The following BRCA2 variants were observed in gnomAD, a reference collection of about 807,000 sequenced individuals.
The protein encoded by BRCA2 is breast cancer type 2 susceptibility protein.
BRCA2 carries 203 observed loss-of-function variants against 276.7 expected under a neutral mutation model. The observed-to-expected ratio is 0.73, with a 90% CI of 0.65 to 0.82. The LOEUF is 0.82. Ranked by LOEUF, BRCA2 falls within the 40% of genes least tolerant of loss-of-function variation. BRCA2 has a pLI of 0.00. For synonymous variants in BRCA2, 1,289 were observed against 1,338.4 expected (o/e 0.96, Z 0.81); for missense variants, 3,920 against 3,915.0 (o/e 1.00, Z -0.03).
intron 13 of BRCA2, among the ~76,000 whole-genome samples, chr13:32,350,988 G>A (rs2072645882): frequency 1.3e-5 from 2 of 152,046 alleles, no homozygotes; most frequent in South Asian, 4.1e-4. Context: ...GCACCGGTCA[G>A]CACTCTGTGT....
At chr13:32,370,597 T>C (rs754179247) in intron 19 of BRCA2, 40 bp downstream of exon 19, 1 of 1,581,890 alleles carries the variant, frequency 6.3e-7, no homozygotes. Flanking sequence ...ATTTCTTTCT[T>C]TTGATACAAT....
intron 17 of BRCA2, 107 bp downstream of exon 17, chr13:32,362,800 G>A: frequency 1.6e-6 from 2 of 1,248,520 alleles, no homozygotes; most frequent in South Asian, 2.5e-5. Context: ...AGTTGTCAGT[G>A]ACAGTTGCCA....
chr13:32,319,814 G>A (rs368541068), intron 3 of BRCA2, among the ~76,000 whole-genome samples: 13 of 152,272 alleles, frequency 8.5e-5, no homozygotes, highest in African/African-American at 3.1e-4. Context: ...CATAAGTAAT[G>A]AACTTTCCCT....
chr13:32,358,004 C>T lies in BRCA2; in HGVS notation c.7805+75C>T, dbSNP rs553623899. The T allele has an allele frequency of 7.7e-5, 117 of 1,524,396 alleles. 1 individual carries two copies. In the Admixed American group the frequency reaches 1.3e-3, roughly 17 times the overall value. 94.4% of individuals were successfully genotyped at this position (1,524,396 alleles called of 1,614,324 possible). A position where few individuals can be genotyped will look rare whatever the true frequency, so the allele number is the denominator to read the frequency against. On this transcript the variant is annotated intron_variant, in intron 16 of 26. Transcript: ENST00000380152. ...CCTCTTTCTTCTCTTAACTGTCTCT[C>T]GAACTAAAAAGTTGGCTAGAAATCA...
intron 11 of BRCA2, among the ~76,000 whole-genome samples, chr13:32,341,659 G>T (rs1357700190): frequency 6.6e-6 from 1 of 152,074 alleles, no homozygotes; most frequent in African/African-American, 2.4e-5. Flanking sequence ...GAGGTCAGGA[G>T]ATCGAGACCA....
rs397507859 is a variant in BRCA2, at chr13:32,340,824, C to G, written c.6469C>G (p.Gln2157Glu). 6.3e-7 allele frequency: 1 copy of G among 1,589,328 alleles called. No individual in the cohort carries two copies. Among genetic ancestry groups the G allele is most frequent in the Non-Finnish European group, 8.5e-7 (1 of 1,171,752 alleles). Residue 2157 changes from glutamine (Q) to glutamate (E), a missense_variant, in exon 11 of 27, where the codon CAA (glutamine) becomes GAA (glutamate). Around this residue, in one of 2 missense-constraint regions of BRCA2, gnomAD observed 3,263 missense variants for 3,156.9 expected, o/e 1.03. Transcript: ENST00000380152. Reference sequence around the variant, plus strand: ...TATTAAAGTTTCTCCATATCTCTCTCAATTTCAACAAGACAAACAACAGTT... The same window carrying G: ...TATTAAAGTTTCTCCATATCTCTCTGAATTTCAACAAGACAAACAACAGTT... ...HSIKVSPYLS[Q>E]FQQDKQQLVL...
rs768731187 is a variant in BRCA2, at chr13:32,329,444, C to A, written c.633C>A (p.Val211=). Reference sequence around the variant, plus strand: ...TACACATAAATTTTTATCTTACAGTCAGAAATGAAGAAGCATCTGAAACTG... The same window carrying A: ...TACACATAAATTTTTATCTTACAGTAAGAAATGAAGAAGCATCTGAAACTG... ...PPTLSSTVLI[V]RNEEASETVF... The change falls in exon 8 of 27, where the codon GTC becomes GTA. Residue 211 remains valine (V), a splice_region_variant and synonymous_variant. Coordinates refer to ENST00000380152, the MANE Select transcript of BRCA2 (RefSeq NM_000059.4). The A allele has an allele frequency of 1.9e-6, 3 of 1,594,106 alleles. No individual in the cohort carries two copies. In the South Asian group the frequency reaches 3.3e-5, roughly 18 times the overall value.
In BRCA2 at chr13:32,362,612, C is replaced by T. The variant is rs765839296; in HGVS notation, c.7895C>T (p.Ala2632Val). 6.2e-7 allele frequency: 1 copy of T among 1,614,152 alleles called. No homozygotes were observed. The highest frequency in any genetic ancestry group is 1.1e-5 in the South Asian group (1 of 91,076). The change falls in exon 17 of 27, where the codon GCA becomes GTA. Residue 2632 changes from alanine to valine, a missense_variant. Around this residue, in one of 2 missense-constraint regions of BRCA2, gnomAD observed 3,263 missense variants for 3,156.9 expected, o/e 1.03. Coordinates refer to ENST00000380152, the MANE Select transcript of BRCA2 (RefSeq NM_000059.4). ...TATAGATGGATCATATGGAAACTGG[C>T]AGCTATGGAATGTGCCTTTCCTAAG... ...NHYRWIIWKL[A>V]AMECAFPKEF...
intron 13 of BRCA2, among the ~76,000 whole-genome samples, chr13:32,350,697 G>A (rs2072642721): frequency 1.3e-5 from 2 of 151,980 alleles, no homozygotes; most frequent in Admixed American, 1.3e-4. Flanking sequence ...AGCTTTCAGT[G>A]AGCCGAGATT....
chr13:32,399,167 CTT>C lies in BRCA2; in HGVS notation c.*400_*401del, dbSNP rs1472072253. On this transcript the variant is annotated 3_prime_UTR_variant, in exon 27 of 27. Coordinates refer to ENST00000380152, the MANE Select transcript of BRCA2 (RefSeq NM_000059.4). ...GAAAAAAAAAAGGGGAAAAGAAAAT[CTT>C]TTAAATCTTTGGATTTGATCACTAC... 1 of 234,990 alleles carries C rather than the reference CTT, an allele frequency of 4.3e-6. No homozygotes were observed. Among genetic ancestry groups the C allele is most frequent in the African/African-American group, 2.3e-5 (1 of 44,250 alleles). 14.6% of individuals were successfully genotyped at this position (234,990 alleles called of 1,614,324 possible).
In BRCA2 at chr13:32,397,569, AT is replaced by A. The variant is rs398022220; in HGVS notation, c.9648+534del. On this transcript the variant is annotated intron_variant, in intron 26 of 26. Transcript: ENST00000380152. ...AAGGGAAGTGATGTATAACAAAACC[AT>A]TTTTTTTTCTCATCACTGTTCTAAC... Among the ~76,000 whole-genome samples, 78,509 of 151,676 alleles carry A rather than the reference AT, an allele frequency of 0.52. 20,391 individuals carry two copies. The highest frequency in any genetic ancestry group is 0.57 in the East Asian group (2,944 of 5,160).
chr13:32,369,003 T>G (rs2137593567), intron 18 of BRCA2, among the ~76,000 whole-genome samples: 1 of 151,718 alleles, frequency 6.6e-6, no homozygotes, highest in South Asian at 2.1e-4. Flanking sequence ...AGAGACGGGG[T>G]TTCACCATCT....
rs1283898827 is a variant in BRCA2, at chr13:32,376,728, T to C, written c.8691T>C (p.Ala2897=). ...CACTAACAAGACAGCAAGTTCGTGC[T>C]TTGCAAGATGGTGCAGAGCTTTATG... ...SRALTRQQVR[A]LQDGAELYEA... The change falls in exon 21 of 27, where the codon GCT becomes GCC. Residue 2897 remains alanine, a synonymous_variant. Coordinates refer to ENST00000380152, the MANE Select transcript of BRCA2 (RefSeq NM_000059.4). The C allele has an allele frequency of 6.2e-7, 1 of 1,614,138 alleles. No individual in the cohort carries two copies. Among genetic ancestry groups the C allele is most frequent in the South Asian group, 1.1e-5 (1 of 91,082 alleles).
rs774306208 is a variant in BRCA2 at position 32,341,167 on chromosome 13, AAAG to A, written c.6817_6819del (p.Arg2273del). Reference sequence around the variant, plus strand: ...GTTTTGTCAAATTCAAGAATTGGAAAAAGAAGAGGAGAGCCCCTTATCTTAGTG... The same window carrying A: ...GTTTTGTCAAATTCAAGAATTGGAAAAAGAGGAGAGCCCCTTATCTTAGTG... On this transcript the variant is annotated inframe_deletion, in exon 11 of 27. Transcript: ENST00000380152. 6.2e-7 allele frequency: 1 copy of A among 1,613,960 alleles called. No individual in the cohort carries two copies. Among genetic ancestry groups the A allele is most frequent in the Non-Finnish European group, 8.5e-7 (1 of 1,179,910 alleles).
In BRCA2 at chr13:32,370,939, G is replaced by T; in HGVS notation, c.8488-17G>T. On this transcript the variant is annotated splice_polypyrimidine_tract_variant and intron_variant, in intron 19 of 26. Transcript: ENST00000380152. ...TATATATGTGACTTTTTTGGTGTGTGTAACACATTATTACAGTGGATGGAG... is the reference window on the plus strand; with the variant it reads ...TATATATGTGACTTTTTTGGTGTGTTTAACACATTATTACAGTGGATGGAG... 6.2e-7 allele frequency: 1 copy of T among 1,613,824 alleles called. No individual in the cohort carries two copies. The highest frequency in any genetic ancestry group is 8.5e-7 in the Non-Finnish European group (1 of 1,179,820).
chr13:32,322,477 G>C (rs147921909), intron 3 of BRCA2, among the ~76,000 whole-genome samples: 2 of 152,208 alleles, frequency 1.3e-5, no homozygotes, highest in Admixed American at 1.3e-4. Context: ...GGGCTGGGCC[G>C]AAGTAAAGGG....
At position 32,357,834 on chromosome 13, in the gene BRCA2, G is replaced by A. The variant is rs2137566952; in HGVS notation, c.7710G>A (p.Lys2570=). ...TTCACACTGAAGATTATTTTGGTAA[G>A]GAAAGTTTATGGACTGGAAAAGGAA... The part of the protein sequence containing the change: ...FQFHTEDYFG[K]ESLWTGKGIQ... The change falls in exon 16 of 27, where the codon AAG becomes AAA. Residue 2570 remains lysine, a synonymous_variant. Coordinates refer to ENST00000380152, the MANE Select transcript of BRCA2 (RefSeq NM_000059.4). 1 of 1,613,958 alleles carries A rather than the reference G, an allele frequency of 6.2e-7. No individual in the cohort carries two copies. The highest frequency in any genetic ancestry group is 8.5e-7 in the Non-Finnish European group (1 of 1,179,892).
Position 32,337,355 on chromosome 13 carries a change from T to C in BRCA2, c.3000T>C (p.Ile1000=), listed in dbSNP as rs587780649. 1 of 1,613,870 alleles carries C rather than the reference T, an allele frequency of 6.2e-7. No individual in the cohort carries two copies. Among genetic ancestry groups the C allele is most frequent in the Non-Finnish European group, 8.5e-7 (1 of 1,179,914 alleles). Residue 1000 remains isoleucine, a synonymous_variant, in exon 11 of 27, where the codon ATT becomes ATC. Coordinates refer to ENST00000380152, the MANE Select transcript of BRCA2 (RefSeq NM_000059.4). ...AATGGGCAGGACTCTTAGGTCCAAT[T>C]TCAAATCACAGTTTTGGAGGTAGCT... is the stretch of plus-strand genomic sequence containing the variant. ...MNKWAGLLGP[I]SNHSFGGSFR...
intron 2 of BRCA2, among the ~76,000 whole-genome samples, chr13:32,318,684 C>T (rs941517176): frequency 6.6e-6 from 1 of 152,136 alleles, no homozygotes; most frequent in African/African-American, 2.4e-5. Context: ...GTGATCTGCT[C>T]GCCTCAGCCT....
Sources: allele counts gnomAD v4.1 joint callset (sites outside exome capture counted in the v4.1 genomes callset), GRCh38; gene constraint gnomAD v4.1.1; regional missense constraint gnomAD v4.1.1; transcripts MANE v1.5; gene names NCBI Gene and HGNC (gene_info 2026-07-23, HGNC 2026-07-21).